The following SHISA9 variants were observed in gnomAD, a reference collection of about 807,000 sequenced individuals.
SHISA9 encodes the protein shisa family member 9, also known as protein shisa-9.
Under a neutral mutation model 38.0 loss-of-function variants are expected in SHISA9, and 13 were observed. The ratio of observed to expected loss-of-function variants is 0.34; its 90% confidence interval spans 0.22 to 0.54. The LOEUF is 0.54. SHISA9 is among the 20% of genes least tolerant of loss of function. SHISA9 has a pLI of 0.91. For missense variants in SHISA9, 538 were observed against 575.8 expected (o/e 0.93, Z 0.67); for synonymous variants, 275 against 242.0 (o/e 1.14, Z -1.27).
At position 13,025,408 on chromosome 16, in the gene SHISA9, T is replaced by C. The variant is rs549530477; in HGVS notation, c.691+108593T>C. ...TCATGTGATTCCGATGATGCTTAGG[T>C]TGAAACACCACTTCCCTAGATGACT... On this transcript the variant is annotated intron_variant, in intron 2 of 4. Coordinates refer to ENST00000558583, the MANE Select transcript of SHISA9 (RefSeq NM_001145204.3). Among the ~76,000 whole-genome samples the C allele has an allele frequency of 2.4e-4, 36 of 152,310 alleles. No homozygotes were observed. In the East Asian group the frequency reaches 6.8e-3, roughly 29 times the overall value.
chr16:13,218,278 A>G (rs1449355819), intron 4 of SHISA9, among the ~76,000 whole-genome samples: 1 of 152,152 alleles, frequency 6.6e-6, no homozygotes, highest in East Asian at 1.9e-4. Context: ...AGGAATTAGA[A>G]CATCTGAGTG....
At chr16:13,352,497 C>T in the SHISA9 span, among the ~76,000 whole-genome samples, 28 of 152,088 alleles carry the variant, frequency 1.8e-4, no homozygotes, top group African/African-American at 6.7e-4. Context: ...TCCAGCACCT[C>T]CTTGTTACAA....
At chr16:12,939,836 CT>C (rs1424845944) in intron 2 of SHISA9, among the ~76,000 whole-genome samples, 1 of 152,182 alleles carries the variant, frequency 6.6e-6, no homozygotes, top group Non-Finnish European at 1.5e-5. Context: ...AATGTAAGTT[CT>C]CTCCGCAGAA....
At chr16:13,120,160 G>A (rs1448112442) in intron 2 of SHISA9, among the ~76,000 whole-genome samples, 3 of 152,188 alleles carry the variant, frequency 2.0e-5, no homozygotes, top group Admixed American at 2.0e-4. Context: ...AAAGAAGGAA[G>A]GGTGCAGATA....
intron 2 of SHISA9, among the ~76,000 whole-genome samples, chr16:12,965,487 A>G (rs764117828): frequency 6.6e-6 from 1 of 152,174 alleles, no homozygotes; most frequent in Non-Finnish European, 1.5e-5. Context: ...GAGGCACTCT[A>G]CCAGTTCTGG....
the SHISA9 span, among the ~76,000 whole-genome samples, chr16:13,336,727 G>A: frequency 2.6e-5 from 4 of 152,170 alleles, no homozygotes; most frequent in Non-Finnish European, 2.9e-5. Flanking sequence ...TATTCAATTT[G>A]TGGGTGGATG....
At chr16:13,261,483 T>C in the SHISA9 span, among the ~76,000 whole-genome samples, 1 of 152,128 alleles carries the variant, frequency 6.6e-6, no homozygotes, top group East Asian at 1.9e-4. Context: ...CAGGGTCCAA[T>C]GCAAACTGAG....
intron 2 of SHISA9, among the ~76,000 whole-genome samples, chr16:13,080,576 A>C (rs544765165): frequency 1.6e-4 from 25 of 152,250 alleles, no homozygotes; most frequent in African/African-American, 5.1e-4. Context: ...GAGGAGAGCA[A>C]ATTTCCTAAA....
chr16:13,074,854 G>A (rs2073562970), intron 2 of SHISA9, among the ~76,000 whole-genome samples: 1 of 151,750 alleles, frequency 6.6e-6, no homozygotes, highest in Non-Finnish European at 1.5e-5. Flanking sequence ...AATAGAGATG[G>A]GGTTTCACCA....
At chr16:13,045,365 C>A (rs988509530) in intron 2 of SHISA9, among the ~76,000 whole-genome samples, 3 of 152,084 alleles carry the variant, frequency 2.0e-5, no homozygotes, top group Admixed American at 6.6e-5. Flanking sequence ...AGCAAGGATT[C>A]GAGTGCAGGA....
intron 2 of SHISA9, among the ~76,000 whole-genome samples, chr16:12,978,530 T>G (rs1220023912): frequency 6.6e-6 from 1 of 152,206 alleles, no homozygotes; most frequent in Non-Finnish European, 1.5e-5. Flanking sequence ...GTGATGCACA[T>G]TACTACTTCC....
At chr16:13,042,775 A>C (rs2073146341) in intron 2 of SHISA9, among the ~76,000 whole-genome samples, 1 of 152,150 alleles carries the variant, frequency 6.6e-6, no homozygotes. Flanking sequence ...CACTGGCAAA[A>C]ACTATCTTAT....
At chr16:13,094,406 C>G (rs138209629) in intron 2 of SHISA9, among the ~76,000 whole-genome samples, 1 of 151,908 alleles carries the variant, frequency 6.6e-6, no homozygotes, top group Non-Finnish European at 1.5e-5. Context: ...CGGAAATTAC[C>G]GAATTTGCAT....
At chr16:13,554,883 G>T in the SHISA9 span, among the ~76,000 whole-genome samples, 1 of 152,214 alleles carries the variant, frequency 6.6e-6, no homozygotes, top group Non-Finnish European at 1.5e-5. Context: ...ATTGCTGTTA[G>T]GGTGAGGAAG....
At chr16:13,356,069 G>A in the SHISA9 span, among the ~76,000 whole-genome samples, 1 of 152,208 alleles carries the variant, frequency 6.6e-6, no homozygotes, top group Non-Finnish European at 1.5e-5. Flanking sequence ...GGAACACCTG[G>A]CCACTGCGGT....
rs141622853 is a variant in SHISA9 at position 13,149,609 on chromosome 16, G to C, written c.692-53785G>C. The stretch of plus-strand genomic sequence containing the variant: ...CCTCTCTTTTCCCAACATTAAAATG[G>C]GGGTGGCTCTGACATTCAAAGAGAT... On this transcript the variant is annotated intron_variant, in intron 2 of 4. Transcript: ENST00000558583. Among the ~76,000 whole-genome samples, 18 of 152,112 alleles carry C rather than the reference G, an allele frequency of 1.2e-4. No homozygotes were observed. In the East Asian group the frequency reaches 3.5e-3, roughly 30 times the overall value.
At chr16:13,090,802 G>T (rs1238959036) in intron 2 of SHISA9, among the ~76,000 whole-genome samples, 1 of 152,132 alleles carries the variant, frequency 6.6e-6, no homozygotes, top group Non-Finnish European at 1.5e-5. Flanking sequence ...TACGTTTAAG[G>T]TTAATATTGT....
the SHISA9 span, among the ~76,000 whole-genome samples, chr16:13,533,877 A>G: frequency 1.4e-5 from 2 of 145,136 alleles, no homozygotes; most frequent in African/African-American, 5.2e-5. Context: ...TCCTCCTCCC[A>G]GGTTCACACC....
intron 2 of SHISA9, among the ~76,000 whole-genome samples, chr16:13,179,844 T>A (rs1419385690): frequency 1.3e-5 from 2 of 152,230 alleles, no homozygotes; most frequent in Non-Finnish European, 2.9e-5. Flanking sequence ...CTACTGCGTC[T>A]TCCTGGCAGG....
Sources: allele counts gnomAD v4.1 joint callset (sites outside exome capture counted in the v4.1 genomes callset), GRCh38; gene constraint gnomAD v4.1.1; transcripts MANE v1.5; gene names NCBI Gene and HGNC (gene_info 2026-07-23, HGNC 2026-07-21).